The following KMT2A variants were observed in gnomAD, a reference collection of about 807,000 sequenced individuals.
KMT2A encodes histone-lysine N-methyltransferase 2A.
KMT2A carries 16 observed loss-of-function variants against 345.3 expected under a neutral mutation model. That is an observed-to-expected ratio of 0.05 (90% CI 0.03 to 0.07). The LOEUF (loss-of-function observed/expected upper bound fraction) is 0.07. KMT2A is among the 10% of genes least tolerant of loss of function. The probability of loss-of-function intolerance (pLI) is 1.00; values close to 1 mark genes in which losing one functional copy is unlikely to be tolerated. For missense variants in KMT2A, 3,272 were observed against 4,841.6 expected (o/e 0.68, Z 9.62); for synonymous variants, 1,599 against 1,778.6 (o/e 0.90, Z 2.54).
Position 118,484,618 on chromosome 11 carries a change from T to C in KMT2A, c.4219-244T>C, listed in dbSNP as rs1327585953. Among the ~76,000 whole-genome samples, 1 of 152,192 alleles carries C rather than the reference T, an allele frequency of 6.6e-6. No individual in the cohort carries two copies. Among genetic ancestry groups the C allele is most frequent in the African/African-American group, 2.4e-5 (1 of 41,440 alleles). On this transcript the variant is annotated intron_variant, in intron 9 of 35. Transcript: ENST00000534358. The surrounding 1 kb of genome is among the most constrained non-coding windows in gnomAD (Gnocchi z 4.1). Reference sequence around the variant, plus strand: ...ATGATTCCTTGAGTCAGCAAAACTGTAAGAGAAATTCAATCCCAGTGTATT... The same window carrying C: ...ATGATTCCTTGAGTCAGCAAAACTGCAAGAGAAATTCAATCCCAGTGTATT...
At chr11:118,519,020 G>A (rs1177961297) in intron 31 of KMT2A, among the ~76,000 whole-genome samples, 6 of 136,646 alleles carry the variant, frequency 4.4e-5, no homozygotes, top group Admixed American at 2.3e-4. Flanking sequence ...GGAGCTTGCA[G>A]TGAGCTGAGA....
Position 118,476,868 on chromosome 11 carries a change from A to C in KMT2A, c.3220A>C (p.Arg1074=), listed in dbSNP as rs1378909657. Residue 1074 remains arginine, a synonymous_variant, in exon 4 of 36, where the codon AGA becomes CGA. Transcript: ENST00000534358. This position sits in a 1 kb window ranked among gnomAD's most constrained non-coding sequence, Gnocchi z 4.1. ...ACCCCGGATTAAACATGTCTGCAGA[A>C]GAGCAGCTGTTGCCCTTGGCCGAAA... is the stretch of plus-strand genomic sequence containing the variant. The part of the protein sequence containing the change: ...RGPRIKHVCR[R]AAVALGRKRA... 6.2e-7 allele frequency: 1 copy of C among 1,614,100 alleles called. No individual in the cohort carries two copies. Among genetic ancestry groups the C allele is most frequent in the African/African-American group, 1.3e-5 (1 of 74,940 alleles).
intron 15 of KMT2A, among the ~76,000 whole-genome samples, chr11:118,492,293 C>T (rs1365876780): frequency 6.6e-6 from 1 of 152,292 alleles, no homozygotes. Context: ...AGGCAGGATT[C>T]GTAGTTAGGG....
intron 1 of KMT2A, 60 bp from the exon 2 acceptor site, chr11:118,468,715 G>T (rs1234336261): frequency 7.6e-7 from 1 of 1,312,174 alleles, no homozygotes; most frequent in Non-Finnish European, 1.1e-6. Context: ...GCATTTCTTT[G>T]GGATGTGTTT....
intron 31 of KMT2A, among the ~76,000 whole-genome samples, chr11:118,514,035 T>A (rs1474767540): frequency 6.6e-6 from 1 of 151,980 alleles, no homozygotes. Flanking sequence ...TTTCTTTTTC[T>A]CTGACATATC....
rs2134335477 is a variant in KMT2A, at chr11:118,490,321, G to A, written c.4696+72G>A. 7.0e-7 allele frequency: 1 copy of A among 1,425,600 alleles called. No individual in the cohort carries two copies. The allele number at this position is 1,425,600 out of a possible 1,614,324, so 88.3% of individuals were successfully genotyped here. A position where few individuals can be genotyped will look rare whatever the true frequency, so the allele number is the denominator to read the frequency against. ...TGTTCTGGAGGTGAACTAGACTCTA[G>A]TGAAATGAAATAAAAAGTCTCACAC... On this transcript the variant is annotated intron_variant, in intron 13 of 35. Coordinates refer to ENST00000534358, the MANE Select transcript of KMT2A (RefSeq NM_001197104.2). The surrounding 1 kb of genome is among the most constrained non-coding windows in gnomAD (Gnocchi z 4.2).
intron 1 of KMT2A, among the ~76,000 whole-genome samples, chr11:118,441,401 T>C (rs1939950): frequency 0.059 from 8,994 of 152,232 alleles, 668 homozygotes; most frequent in African/African-American, 0.18. Context: ...GTTGACCAGT[T>C]TCATTTATAA....
In KMT2A at chr11:118,491,365, A is replaced by G. The variant is rs782653980; in HGVS notation, c.4819+47A>G. ...TTTTCTTCTTTCTAGGTACTACTAC[A>G]TTTATTAGCCTCTAGAGCACTTTAA... On this transcript the variant is annotated intron_variant, in intron 14 of 35. Transcript: ENST00000534358. The surrounding 1 kb of genome is among the most constrained non-coding windows in gnomAD (Gnocchi z 4.2). 2.5e-6 allele frequency: 4 copies of G among 1,582,604 alleles called. No individual in the cohort carries two copies. The highest frequency in any genetic ancestry group is 3.4e-6 in the Non-Finnish European group (4 of 1,159,926).
rs1555048042 is a variant in KMT2A, at chr11:118,505,875, A to C, written c.9983A>C (p.His3328Pro). 2 of 1,614,118 alleles carry C rather than the reference A, an allele frequency of 1.2e-6. No homozygotes were observed. The highest frequency in any genetic ancestry group is 3.3e-5 in the Admixed American group (2 of 60,024). The change falls in exon 27 of 36, where the codon CAC becomes CCC. Residue 3328 changes from histidine to proline, a missense_variant. Physicochemically the swap from His to Pro is moderately conservative, Grantham distance 77. This residue lies in a region of KMT2A where 748 missense variants were observed against 922.2 expected (regional missense o/e 0.81). Transcript: ENST00000534358. The surrounding 1 kb of genome is among the most constrained non-coding windows in gnomAD (Gnocchi z 4.6). ...GTSTISQDTS[H>P]LTSGSVSGLA... Reference sequence around the variant, plus strand: ...TCAACAATAAGCCAGGATACTAGCCACCTCACATCAGGGTCTGTGTCTGGC... The same window carrying C: ...TCAACAATAAGCCAGGATACTAGCCCCCTCACATCAGGGTCTGTGTCTGGC...
At position 118,495,980 on chromosome 11, in the gene KMT2A, T is replaced by C. The variant is rs1317498115; in HGVS notation, c.5557+87T>C. 1 of 1,171,300 alleles carries C rather than the reference T, an allele frequency of 8.5e-7. No homozygotes were observed. The highest frequency in any genetic ancestry group is 1.5e-5 in the African/African-American group (1 of 65,024). 72.6% of individuals were successfully genotyped at this position (1,171,300 alleles called of 1,614,324 possible). On this transcript the variant is annotated intron_variant, in intron 19 of 35. Transcript: ENST00000534358. The surrounding 1 kb of genome is among the most constrained non-coding windows in gnomAD (Gnocchi z 4.1). ...GAATCCAATTCACTAAAATTAGATA[T>C]ACTTGGATATCAGAAAGGAATTTTC...
rs1555054441 is a variant in KMT2A at position 118,523,706 on chromosome 11, T to C, written c.*1534T>C. 4.4e-6 allele frequency: 1 copy of C among 225,900 alleles called. No individual in the cohort carries two copies. Among genetic ancestry groups the C allele is most frequent in the African/African-American group, 2.2e-5 (1 of 44,936 alleles). The allele number at this position is 225,900 out of a possible 1,614,324, so 14.0% of individuals were successfully genotyped here. ...TTAATAATTTTTTATTTTCATAGGA[T>C]GAAGTTAGAGAAAATATTCAGCTGT... On this transcript the variant is annotated 3_prime_UTR_variant, in exon 36 of 36. Transcript: ENST00000534358.
At chr11:118,449,605 A>ATT (rs1949491652) in intron 1 of KMT2A, 1 of 147,232 alleles carries the variant, frequency 6.8e-6, no homozygotes, top group Non-Finnish European at 1.5e-5. Context: ...AAAAAAAAAG[A>ATT]GAAAAAAAAT....
rs2134349556 is a variant in KMT2A, at chr11:118,494,293, G to C, written c.5184G>C (p.Glu1728Asp). 6.4e-7 allele frequency: 1 copy of C among 1,555,796 alleles called. No homozygotes were observed. Among genetic ancestry groups the C allele is most frequent in the East Asian group, 2.2e-5 (1 of 44,618 alleles). Residue 1728 changes from glutamate to aspartate, a missense_variant, in exon 17 of 36, where the codon GAG becomes GAC. Coordinates refer to ENST00000534358, the MANE Select transcript of KMT2A (RefSeq NM_001197104.2). This position sits in a 1 kb window ranked among gnomAD's most constrained non-coding sequence, Gnocchi z 5.8. ...MDQGNYTSVL[E>D]FSDDIVKIIQ... Reference sequence around the variant, plus strand: ...CATTTTGTTTTTGTATACAGTTGGAGTTCAGTGATGATATTGTGAAGATCA... The same window carrying C: ...CATTTTGTTTTTGTATACAGTTGGACTTCAGTGATGATATTGTGAAGATCA...
chr11:118,480,264 C>T (rs1351444792), intron 6 of KMT2A, 26 bp downstream of exon 6: 1 of 1,586,472 alleles, frequency 6.3e-7, no homozygotes, highest in Admixed American at 1.7e-5. Flanking sequence ...AGGTCTTCCC[C>T]CAAATGCTCC....
intron 1 of KMT2A, among the ~76,000 whole-genome samples, chr11:118,462,657 C>T (rs1451442484): frequency 2.0e-5 from 3 of 152,162 alleles, no homozygotes; most frequent in East Asian, 1.9e-4. Flanking sequence ...CTCCCGGGTT[C>T]ACGCCATTCT....
rs932902088 is a variant in KMT2A, at chr11:118,502,201, C to T, written c.6506-197C>T. Among the ~76,000 whole-genome samples the T allele has an allele frequency of 4.6e-5, 7 of 151,894 alleles. No homozygotes were observed. The highest frequency in any genetic ancestry group is 1.5e-4 in the African/African-American group (6 of 41,346). On this transcript the variant is annotated intron_variant, in intron 26 of 35. Coordinates refer to ENST00000534358, the MANE Select transcript of KMT2A (RefSeq NM_001197104.2). This position sits in a 1 kb window ranked among gnomAD's most constrained non-coding sequence, Gnocchi z 4.9. ...CCAGGAGGTGGAGGTTGCAGTAAGC[C>T]GAGATCGCACCACTGCACTCCAGCT...
intron 1 of KMT2A, among the ~76,000 whole-genome samples, chr11:118,453,056 C>T (rs1555029508): frequency 6.6e-6 from 1 of 152,122 alleles, no homozygotes; most frequent in Admixed American, 6.6e-5. Context: ...ATTTCTCTCT[C>T]ACAACTAGAT....
chr11:118,437,903 G>C (rs1949229536), intron 1 of KMT2A, among the ~76,000 whole-genome samples: 1 of 152,152 alleles, frequency 6.6e-6, no homozygotes, highest in Admixed American at 6.5e-5. Flanking sequence ...GCCCCTGTGA[G>C]GGGAGGTGTT....
At chr11:118,519,554 G>A (rs1591307838) in intron 31 of KMT2A, 64 bp from the exon 32 acceptor site, 3 of 1,460,834 alleles carry the variant, frequency 2.1e-6, no homozygotes, top group South Asian at 2.4e-5. Flanking sequence ...AGGCATTTCT[G>A]TAGGACCATG....
Sources: allele counts gnomAD v4.1 joint callset (sites outside exome capture counted in the v4.1 genomes callset), GRCh38; gene constraint gnomAD v4.1.1; regional missense constraint gnomAD v4.1.1; non-coding constraint Gnocchi (gnomAD v3.1); transcripts MANE v1.5; gene names NCBI Gene and HGNC (gene_info 2026-07-23, HGNC 2026-07-21).